GSTZ1: variants seen among roughly 807,000 people sequenced by gnomAD.
GSTZ1 encodes maleylacetoacetate isomerase.
Under a neutral mutation model 35.9 loss-of-function variants are expected in GSTZ1, and 34 were observed. The ratio of observed to expected loss-of-function variants is 0.95; its 90% CI spans 0.72 to 1.26. The LOEUF (loss-of-function observed/expected upper bound fraction) is 1.26, where lower values mean the gene tolerates loss of function less well. GSTZ1 is among the 50% of genes most tolerant of loss of function. GSTZ1 has a pLI of 0.00. For missense variants in GSTZ1, 263 were observed against 271.7 expected (o/e 0.97, Z 0.23); for synonymous variants, 93 against 101.2 (o/e 0.92, Z 0.49).
intron 5 of GSTZ1, chr14:77,328,892 C>T (rs1347742836): frequency 5.2e-6 from 3 of 581,330 alleles, no homozygotes; most frequent in Admixed American, 3.0e-5. Flanking sequence ...GACAGAATCA[C>T]GTGGCTTTTT....
In GSTZ1 at chr14:77,327,517, A is replaced by G. The variant is rs1438780672; in HGVS notation, c.181A>G (p.Thr61Ala). 7 of 1,608,748 alleles carry G rather than the reference A, an allele frequency of 4.4e-6. No individual in the cohort carries two copies. Among genetic ancestry groups the G allele is most frequent in the Non-Finnish European group, 5.1e-6 (6 of 1,177,280 alleles). The change falls in exon 4 of 9, where the codon ACC (threonine) becomes GCC (alanine). Residue 61 changes from threonine to alanine, a missense_variant. Coordinates refer to ENST00000216465, the MANE Select transcript of GSTZ1 (RefSeq NM_145870.3). The part of the protein sequence containing the change: ...QALNPMKQVP[T>A]LKIDGITIHQ... Reference sequence around the variant, plus strand: ...ACTGAATCCTATGAAGCAGGTGCCAACCCTGAAGATTGATGGAATCACCAT... The same window carrying G: ...ACTGAATCCTATGAAGCAGGTGCCAGCCCTGAAGATTGATGGAATCACCAT...
intron 4 of GSTZ1, 93 bp from the exon 5 acceptor site, chr14:77,327,819 C>T (rs1892407381): frequency 1.6e-6 from 2 of 1,243,622 alleles, no homozygotes; most frequent in Non-Finnish European, 2.3e-6. Flanking sequence ...AGTGATGGTG[C>T]TGGAAGAGGA....
At chr14:77,322,302 T>C (rs1195178187) in intron 1 of GSTZ1, among the ~76,000 whole-genome samples, 1 of 152,156 alleles carries the variant, frequency 6.6e-6, no homozygotes, top group Non-Finnish European at 1.5e-5. Flanking sequence ...GGGCTTAAAG[T>C]TTAGTTCTAC....
chr14:77,329,623 TTCTCAC>T, intron 6 of GSTZ1, 126 bp from the exon 7 acceptor site: 1 of 738,764 alleles, frequency 1.4e-6, no homozygotes, highest in East Asian at 2.5e-5. Context: ...GGCTGCCACA[TTCTCAC>T]CAGCAGCCAT....
chr14:77,329,537 C>G (rs1317650543), intron 6 of GSTZ1: 9 of 598,142 alleles, frequency 1.5e-5, no homozygotes, highest in Admixed American at 1.2e-4. Flanking sequence ...CTTGTCCACT[C>G]GAGTGGGGAA....
chr14:77,321,377 C>T (rs1367755683), intron 1 of GSTZ1, 194 bp downstream of exon 1: 1 of 1,530,258 alleles, frequency 6.5e-7, no homozygotes, highest in South Asian at 1.2e-5. Flanking sequence ...GAGGGTTGGG[C>T]CAGAGGAGGC....
chr14:77,327,801 A>G (rs1463520201), intron 4 of GSTZ1, 111 bp from the exon 5 acceptor site: 6 of 1,035,396 alleles, frequency 5.8e-6, no homozygotes, highest in East Asian at 2.4e-5. Context: ...GCAGGGGGGA[A>G]GAGGTGTAGT....
chr14:77,331,281 A>AC lies in GSTZ1; in HGVS notation c.*86_*87insC. On this transcript the variant is annotated 3_prime_UTR_variant, in exon 9 of 9. Coordinates refer to ENST00000216465, the MANE Select transcript of GSTZ1 (RefSeq NM_145870.3). Reference sequence around the variant, plus strand: ...GGCCTGGAAACGAGAGTCTTAATTGAGGAGATGGGAGACTCGAACTCTAGC... The same window carrying AC: ...GGCCTGGAAACGAGAGTCTTAATTGACGGAGATGGGAGACTCGAACTCTAGC... The AC allele has an allele frequency of 7.0e-7, 1 of 1,428,040 alleles. No individual in the cohort carries two copies. Among genetic ancestry groups the AC allele is most frequent in the Non-Finnish European group, 9.4e-7 (1 of 1,059,724 alleles). 88.5% of individuals were successfully genotyped at this position (1,428,040 alleles called of 1,614,324 possible). A position where few individuals can be genotyped will look rare whatever the true frequency, so the allele number is the denominator to read the frequency against.
chr14:77,329,481 G>A (rs1483083907), intron 6 of GSTZ1: 2 of 595,682 alleles, frequency 3.4e-6, no homozygotes, highest in Non-Finnish European at 6.0e-6. Context: ...GGCCAGCACA[G>A]CGCCAGCCAT....
At chr14:77,324,309 AT>A (rs200363148) in intron 1 of GSTZ1, 457 of 425,362 alleles carry the variant, frequency 1.1e-3, no homozygotes, top group Middle Eastern at 2.8e-3. Context: ...CACCTGGCTG[AT>A]TTTTTTTTGT....
At chr14:77,329,657 G>T in intron 6 of GSTZ1, 98 bp from the exon 7 acceptor site, 2 of 905,196 alleles carry the variant, frequency 2.2e-6, no homozygotes, top group Non-Finnish European at 3.7e-6. Context: ...CTGTCACTCA[G>T]TTGGGCGCCC....
intron 1 of GSTZ1, chr14:77,324,538 C>T: frequency 1.4e-6 from 2 of 1,471,738 alleles, no homozygotes; most frequent in South Asian, 1.2e-5. Flanking sequence ...CTTTAGGTTT[C>T]CTTTCCCTGC....
At chr14:77,325,119 G>T in intron 2 of GSTZ1, 198 bp downstream of exon 2, 1 of 595,150 alleles carries the variant, frequency 1.7e-6, no homozygotes, top group Non-Finnish European at 3.0e-6. Context: ...GTGAGGGTGG[G>T]AGGAAGGGGG....
intron 1 of GSTZ1, 102 bp downstream of exon 1, chr14:77,321,285 G>T: frequency 1.3e-6 from 2 of 1,521,488 alleles, no homozygotes; most frequent in South Asian, 1.2e-5. Context: ...GGCCGACAAC[G>T]ACTCCCGGCA....
chr14:77,326,637 G>A, intron 2 of GSTZ1: 1 of 555,010 alleles, frequency 1.8e-6, no homozygotes, highest in Non-Finnish European at 3.3e-6. Flanking sequence ...GTGAGGCAGA[G>A]CATCGTGCAT....
At chr14:77,328,243 G>C in intron 5 of GSTZ1, 1 of 585,082 alleles carries the variant, frequency 1.7e-6, no homozygotes, top group Non-Finnish European at 3.0e-6. Flanking sequence ...TGCGTTCCGA[G>C]AAGCTCTAGT....
In GSTZ1 at chr14:77,331,267, G is replaced by A. The variant is rs947623788; in HGVS notation, c.*72G>A. 5.9e-6 allele frequency: 9 copies of A among 1,525,230 alleles called. No homozygotes were observed. The highest frequency in any genetic ancestry group is 3.6e-5 in the South Asian group (3 of 83,594). The allele number at this position is 1,525,230 out of a possible 1,614,324, so 94.5% of individuals were successfully genotyped here. ...GGGTGGGCTGAAGAGGCCTGGAAACGAGAGTCTTAATTGAGGAGATGGGAG... is the reference window on the plus strand; with the variant it reads ...GGGTGGGCTGAAGAGGCCTGGAAACAAGAGTCTTAATTGAGGAGATGGGAG... On this transcript the variant is annotated 3_prime_UTR_variant, in exon 9 of 9. Transcript: ENST00000216465.
chr14:77,321,148 G>T lies in GSTZ1; in HGVS notation c.-21G>T. ...GCGCGAAGTTTCTCGGCCTGGAGGA[G>T]GGGGTCGCGCGAAGTGCCAGATGCA... On this transcript the variant is annotated 5_prime_UTR_variant, in exon 1 of 9. In the 5' UTR this introduces an upstream ATG that the reference lacks. Coordinates refer to ENST00000216465, the MANE Select transcript of GSTZ1 (RefSeq NM_145870.3). 6.9e-7 allele frequency: 1 copy of T among 1,454,146 alleles called. No individual in the cohort carries two copies. The highest frequency in any genetic ancestry group is 9.1e-7 in the Non-Finnish European group (1 of 1,097,120). The allele number at this position is 1,454,146 out of a possible 1,614,324, so 90.1% of individuals were successfully genotyped here. A position where few individuals can be genotyped will look rare whatever the true frequency, so the allele number is the denominator to read the frequency against.
intron 1 of GSTZ1, chr14:77,321,400 G>C (rs1025996797): frequency 2.5e-5 from 39 of 1,529,558 alleles, no homozygotes; most frequent in Admixed American, 1.2e-4. Context: ...TCCTGGTAGG[G>C]AGTGCGTAGC....
Sources: allele counts gnomAD v4.1 joint callset (sites outside exome capture counted in the v4.1 genomes callset), GRCh38; gene constraint gnomAD v4.1.1; transcripts MANE v1.5; gene names NCBI Gene and HGNC (gene_info 2026-07-23, HGNC 2026-07-21).